PRKCSH: variants seen among roughly 807,000 people sequenced by gnomAD.
PRKCSH encodes the protein PRKCSH beta subunit of glucosidase II.
A neutral mutation model predicts 79.7 loss-of-function variants in PRKCSH; 42 were observed. That is an observed-to-expected ratio of 0.53 (90% CI 0.41 to 0.68). The LOEUF is 0.68. Ranked by LOEUF, PRKCSH falls within the 30% of genes least tolerant of loss-of-function variation. PRKCSH has a pLI of 0.00. For missense variants in PRKCSH, 686 were observed against 709.0 expected (o/e 0.97, Z 0.37); for synonymous variants, 325 against 288.2 (o/e 1.13, Z -1.29).
chr19:11,437,781 G>A, intron 3 of PRKCSH, 95 bp from the exon 4 acceptor site: 1 of 1,040,064 alleles, frequency 9.6e-7, no homozygotes, highest in African/African-American at 1.6e-5. Flanking sequence ...CTTGTGCTGT[G>A]TGCAGTGTGG....
Position 11,449,611 on chromosome 19 carries a change from C to G in PRKCSH, c.*16+183C>G, listed in dbSNP as rs1352186495. 4.2e-6 allele frequency: 3 copies of G among 722,008 alleles called. No homozygotes were observed. The highest frequency in any genetic ancestry group is 6.8e-6 in the Non-Finnish European group (3 of 443,760). 44.7% of individuals were successfully genotyped at this position (722,008 alleles called of 1,614,324 possible). ...AGGCTGGAGTGCAGTGATGCGACCT[C>G]AGCTGACTGCAACCTCTACCTCCCG... On this transcript the variant is annotated intron_variant, in intron 17 of 17. Transcript: ENST00000677123. The surrounding 1 kb of genome is among the most constrained non-coding windows in gnomAD (Gnocchi z 6.4).
chr19:11,436,298 A>T (rs1210355627), intron 2 of PRKCSH, 91 bp from the exon 3 acceptor site: 1 of 1,579,142 alleles, frequency 6.3e-7, no homozygotes, highest in Admixed American at 1.7e-5. Context: ...GTTTCCCGGT[A>T]GTGCTCCGCT....
intron 6 of PRKCSH, 139 bp downstream of exon 6, chr19:11,441,496 G>A (rs1462957013): frequency 2.4e-6 from 2 of 823,848 alleles, no homozygotes; most frequent in Non-Finnish European, 4.2e-6. Flanking sequence ...TGCTTTCTCA[G>A]TTGTGTGCTA....
In PRKCSH at chr19:11,447,637, AGTG is replaced by A; in HGVS notation, c.1029+21_1029+23del. On this transcript the variant is annotated intron_variant, in intron 11 of 17. Coordinates refer to ENST00000677123, the MANE Select transcript of PRKCSH (RefSeq NM_001289104.2). The surrounding 1 kb of genome is among the most constrained non-coding windows in gnomAD (Gnocchi z 5.6). ...GCCCAAGGTCCGTGTTTGGGGGAGAAGTGGAGACAGAGAGGGTGGGGGAAGGGC... is the reference window on the plus strand; with the variant it reads ...GCCCAAGGTCCGTGTTTGGGGGAGAAGAGACAGAGAGGGTGGGGGAAGGGC... 2 of 1,574,640 alleles carry A rather than the reference AGTG, an allele frequency of 1.3e-6. No individual in the cohort carries two copies. The highest frequency in any genetic ancestry group is 1.2e-5 in the South Asian group (1 of 86,294).
In PRKCSH at chr19:11,448,427, G is replaced by T; in HGVS notation, c.1197-113G>T. ...CTGCAGGGAGGGTCCCTGGGAGGTG[G>T]CAGGGAGGACAGCCTGGGCACCATT... is the stretch of plus-strand genomic sequence containing the variant. On this transcript the variant is annotated intron_variant, in intron 13 of 17. Transcript: ENST00000677123. This position sits in a 1 kb window ranked among gnomAD's most constrained non-coding sequence, Gnocchi z 4.4. The T allele has an allele frequency of 6.9e-7, 1 of 1,439,676 alleles. No individual in the cohort carries two copies. Among genetic ancestry groups the T allele is most frequent in the East Asian group, 2.3e-5 (1 of 43,630 alleles). 89.2% of individuals were successfully genotyped at this position (1,439,676 alleles called of 1,614,324 possible). A position where few individuals can be genotyped will look rare whatever the true frequency, so the allele number is the denominator to read the frequency against.
chr19:11,447,916 G>A lies in PRKCSH; in HGVS notation c.1126+127G>A. The A allele has an allele frequency of 8.5e-7, 1 of 1,172,748 alleles. No individual in the cohort carries two copies. Among genetic ancestry groups the A allele is most frequent in the East Asian group, 2.6e-5 (1 of 38,842 alleles). 72.6% of individuals were successfully genotyped at this position (1,172,748 alleles called of 1,614,324 possible). A position where few individuals can be genotyped will look rare whatever the true frequency, so the allele number is the denominator to read the frequency against. On this transcript the variant is annotated intron_variant, in intron 12 of 17. Coordinates refer to ENST00000677123, the MANE Select transcript of PRKCSH (RefSeq NM_001289104.2). The surrounding 1 kb of genome is among the most constrained non-coding windows in gnomAD (Gnocchi z 5.6). ...CGGCCAGCACAAGCCCCAGTATCTTGGGGAGTCCAGGAAGGGGGCCTAGGG... is the reference window on the plus strand; with the variant it reads ...CGGCCAGCACAAGCCCCAGTATCTTAGGGAGTCCAGGAAGGGGGCCTAGGG...
chr19:11,438,034 C>T, intron 4 of PRKCSH, 33 bp from the exon 5 acceptor site: 1 of 1,614,010 alleles, frequency 6.2e-7, no homozygotes, highest in Non-Finnish European at 8.5e-7. Flanking sequence ...GAGGCACTGC[C>T]AGGTCTGATC....
chr19:11,439,348 A>G (rs1473366242), intron 5 of PRKCSH, among the ~76,000 whole-genome samples: 2 of 151,958 alleles, frequency 1.3e-5, no homozygotes, highest in Admixed American at 6.6e-5. Context: ...AGGCAGGAAG[A>G]CTGCTTGAGC....
At chr19:11,446,544 C>A (rs555149290) in intron 9 of PRKCSH, among the ~76,000 whole-genome samples, 194 bp downstream of exon 9, 7 of 151,988 alleles carry the variant, frequency 4.6e-5, no homozygotes, top group African/African-American at 1.5e-4. Context: ...CGCTGGAGCC[C>A]GTTTCCCCGC....
At chr19:11,440,589 C>T (rs1001257845) in intron 5 of PRKCSH, among the ~76,000 whole-genome samples, 4 of 151,922 alleles carry the variant, frequency 2.6e-5, no homozygotes, top group Admixed American at 2.6e-4. Flanking sequence ...GGGATTACAC[C>T]GTGTAGCTGG....
In PRKCSH at chr19:11,446,327, G is replaced by T; in HGVS notation, c.739G>T (p.Ala247Ser). 2 of 1,613,870 alleles carry T rather than the reference G, an allele frequency of 1.2e-6. No homozygotes were observed. Among genetic ancestry groups the T allele is most frequent in the South Asian group, 1.1e-5 (1 of 91,072 alleles). ...HPELDTDGDG[A>S]LSEAEAQALL... ...GGAGCTGGACACAGATGGGGATGGG[G>T]CGTTGTCAGAAGCGGAAGCTCAGGT... The change falls in exon 9 of 18, where the codon GCG (alanine) becomes TCG (serine). Residue 247 changes from alanine to serine, a missense_variant. Physicochemically the swap from Ala to Ser is moderately conservative, Grantham distance 99. Around this residue, in one of 2 missense-constraint regions of PRKCSH, gnomAD observed 549 missense variants for 520.2 expected, o/e 1.06. Coordinates refer to ENST00000677123, the MANE Select transcript of PRKCSH (RefSeq NM_001289104.2).
chr19:11,437,746 T>C, intron 3 of PRKCSH, 130 bp from the exon 4 acceptor site: 1 of 859,434 alleles, frequency 1.2e-6, no homozygotes, highest in Middle Eastern at 2.2e-4. Flanking sequence ...TACAACTCTT[T>C]CCTTCCTTTG....
intron 8 of PRKCSH, 53 bp downstream of exon 8, chr19:11,445,526 TC>T: frequency 6.4e-7 from 1 of 1,564,504 alleles, no homozygotes; most frequent in Non-Finnish European, 8.8e-7. Context: ...TGGGTTTCCC[TC>T]CCCGCCACCC....
At position 11,439,473 on chromosome 19, in the gene PRKCSH, T is replaced by C. The variant is rs985309042; in HGVS notation, c.350+1349T>C. Among the ~76,000 whole-genome samples, 8 of 151,130 alleles carry C rather than the reference T, an allele frequency of 5.3e-5. No homozygotes were observed. In the South Asian group the frequency reaches 1.5e-3, roughly 28 times the overall value. On this transcript the variant is annotated intron_variant, in intron 5 of 17. Transcript: ENST00000677123. Reference sequence around the variant, plus strand: ...TGGAAATTATAATTTAAAAAATTACTGGTTGGGCATGTGGCTCACACCTGT... The same window carrying C: ...TGGAAATTATAATTTAAAAAATTACCGGTTGGGCATGTGGCTCACACCTGT...
At chr19:11,442,823 T>A (rs1883840981) in intron 7 of PRKCSH, among the ~76,000 whole-genome samples, 1 of 152,152 alleles carries the variant, frequency 6.6e-6, no homozygotes, top group Non-Finnish European at 1.5e-5. Context: ...TGCCTCAGCC[T>A]CCTGAGTAGC....
Position 11,436,485 on chromosome 19 carries a change from A to G in PRKCSH, c.176A>G (p.Lys59Arg), listed in dbSNP as rs112718886. Reference sequence around the variant, plus strand: ...GTCAACGATGACTATTGCGACTGCAAAGATGGCTCTGACGAGCCAGGTGAG... The same window carrying G: ...GTCAACGATGACTATTGCGACTGCAGAGATGGCTCTGACGAGCCAGGTGAG... ...DQVNDDYCDC[K>R]DGSDEPGTAA... The change falls in exon 3 of 18, where the codon AAA becomes AGA. Residue 59 changes from lysine to arginine, a missense_variant. Lys to Arg is a conservative substitution (Grantham distance 26). This residue lies in a region of PRKCSH where 549 missense variants were observed against 520.2 expected (regional missense o/e 1.06). Coordinates refer to ENST00000677123, the MANE Select transcript of PRKCSH (RefSeq NM_001289104.2). 1.1e-4 allele frequency: 184 copies of G among 1,613,982 alleles called. 1 individual carries two copies. The African/African-American group carries it at 2.1e-3, about 19-fold the overall frequency.
intron 6 of PRKCSH, among the ~76,000 whole-genome samples, chr19:11,441,875 A>C (rs1288195592): frequency 6.6e-6 from 1 of 152,122 alleles, no homozygotes; most frequent in Non-Finnish European, 1.5e-5. Context: ...AGTGGGAGGG[A>C]CAGCCAGCCA....
Position 11,448,604 on chromosome 19 carries a change from C to T in PRKCSH, c.1261C>T (p.Gln421Ter), listed in dbSNP as rs121918519. The T allele has an allele frequency of 6.2e-7, 1 of 1,614,206 alleles. No homozygotes were observed. The highest frequency in any genetic ancestry group is 8.5e-7 in the Non-Finnish European group (1 of 1,180,030). Residue 421 changes from glutamine (Q) to a stop codon, truncating the protein, a stop_gained, in exon 14 of 18, where the codon CAG becomes TAG. Transcript: ENST00000677123. LOFTEE classifies it high-confidence loss of function. This position sits in a 1 kb window ranked among gnomAD's most constrained non-coding sequence, Gnocchi z 4.4. ...CGGGGAGTTTGCTTACCTGTACAGC[C>T]AGTGCTACGAGCTCACCACCAACGA... ...PNGEFAYLYSQCYELTTNEYV... is the reference protein window; with the variant it reads ...PNGEFAYLYS
intron 8 of PRKCSH, 95 bp downstream of exon 8, chr19:11,445,568 G>A: frequency 8.0e-7 from 1 of 1,255,204 alleles, no homozygotes; most frequent in Non-Finnish European, 1.1e-6. Flanking sequence ...GATCCTCCTT[G>A]GGTTCCCCCG....
Sources: allele counts gnomAD v4.1 joint callset (sites outside exome capture counted in the v4.1 genomes callset), GRCh38; gene constraint gnomAD v4.1.1; regional missense constraint gnomAD v4.1.1; non-coding constraint Gnocchi (gnomAD v3.1); transcripts MANE v1.5; gene names NCBI Gene and HGNC (gene_info 2026-07-23, HGNC 2026-07-21).